PCDHGA10: variants seen among roughly 807,000 people sequenced by gnomAD.
PCDHGA10 encodes protocadherin gamma subfamily A, 10, also known as protocadherin gamma-A10.
In PCDHGA10, 42 loss-of-function variants were observed where a neutral mutation model predicts 59.5. That is an observed-to-expected ratio of 0.71 (90% confidence interval 0.55 to 0.91). The LOEUF (loss-of-function observed/expected upper bound fraction) is 0.91, where lower values mean the gene tolerates loss of function less well. Ranked by LOEUF, PCDHGA10 falls within the 40% of genes least tolerant of loss-of-function variation. The probability of loss-of-function intolerance (pLI) is 0.00; values close to 1 mark genes in which losing one functional copy is unlikely to be tolerated. For missense variants in PCDHGA10, 1,111 were observed against 1,198.2 expected, an observed-to-expected ratio of 0.93 and a Z score of 1.07; for synonymous variants, 511 against 517.2, an observed-to-expected ratio of 0.99 and a Z score of 0.16.
chr5:141,421,265 T>G (rs2154549151), intron 1 of PCDHGA10: 1 of 1,596,914 alleles, frequency 6.3e-7, no homozygotes, highest in Non-Finnish European at 8.5e-7. Flanking sequence ...CGCAGTCGGC[T>G]GCTGCTGCTG....
intron 1 of PCDHGA10, among the ~76,000 whole-genome samples, chr5:141,436,848 AT>A (rs1247905529): frequency 6.6e-6 from 1 of 152,244 alleles, no homozygotes; most frequent in African/African-American, 2.4e-5. Flanking sequence ...CACATTCTTG[AT>A]TGAGAAGCCA....
chr5:141,460,455 A>AT (rs2098989699), intron 1 of PCDHGA10, among the ~76,000 whole-genome samples: 1 of 152,080 alleles, frequency 6.6e-6, no homozygotes, highest in Non-Finnish European at 1.5e-5. Flanking sequence ...GAAGATTCAT[A>AT]TTTTTTTCCA....
chr5:141,511,462 C>T lies in PCDHGA10; in HGVS notation c.*289C>T, dbSNP rs1385398410. On this transcript the variant is annotated 3_prime_UTR_variant, in exon 4 of 4. Transcript: ENST00000398610. Reference sequence around the variant, plus strand: ...AGACACCAAGAACCATTTGCCACACCCCGTTTAGTTACAGCTGAACTCCTC... The same window carrying T: ...AGACACCAAGAACCATTTGCCACACTCCGTTTAGTTACAGCTGAACTCCTC... 5.4e-6 allele frequency: 3 copies of T among 556,350 alleles called. No individual in the cohort carries two copies. In the South Asian group the frequency reaches 6.3e-5, roughly 12 times the overall value. 34.5% of individuals were successfully genotyped at this position (556,350 alleles called of 1,614,324 possible).
At chr5:141,422,900 A>G (rs2096684887) in intron 1 of PCDHGA10, 2 of 1,614,220 alleles carry the variant, frequency 1.2e-6, no homozygotes, top group South Asian at 2.2e-5. Flanking sequence ...GACCAGAACG[A>G]CAATGCGCCC....
At chr5:141,417,667 C>A (rs545100460) in intron 1 of PCDHGA10, 5 of 918,744 alleles carry the variant, frequency 5.4e-6, no homozygotes, top group South Asian at 3.8e-5. Flanking sequence ...GGATTCCCTG[C>A]GCAGCCAACA....
chr5:141,460,126 T>TC (rs2098982804), intron 1 of PCDHGA10, among the ~76,000 whole-genome samples: 1 of 151,986 alleles, frequency 6.6e-6, no homozygotes, highest in South Asian at 2.1e-4. Context: ...ATATATGTAA[T>TC]ATATATATTC....
chr5:141,443,064 G>A (rs76234738), intron 1 of PCDHGA10, among the ~76,000 whole-genome samples: 48 of 152,264 alleles, frequency 3.2e-4, no homozygotes, highest in African/African-American at 1.1e-3. Context: ...ACTGAAGAGC[G>A]TCTTATGACT....
intron 2 of PCDHGA10, among the ~76,000 whole-genome samples, chr5:141,501,956 A>G (rs527567012): frequency 6.6e-6 from 1 of 152,136 alleles, no homozygotes; most frequent in Non-Finnish European, 1.5e-5. Context: ...GTGACAGGTC[A>G]TCCTCCTAAC....
chr5:141,478,418 C>A, intron 1 of PCDHGA10: 1 of 1,613,650 alleles, frequency 6.2e-7, no homozygotes, highest in Non-Finnish European at 8.5e-7. Context: ...GGACTCCCGC[C>A]GCAGCGACCC....
chr5:141,476,346 T>G lies in PCDHGA10; in HGVS notation c.2437-18461T>G, dbSNP rs1239836597. On this transcript the variant is annotated intron_variant, in intron 1 of 3. Coordinates refer to ENST00000398610, the MANE Select transcript of PCDHGA10 (RefSeq NM_018913.3). The surrounding 1 kb of genome is among the most constrained non-coding windows in gnomAD (Gnocchi z 7.6). The stretch of plus-strand genomic sequence containing the variant: ...GTGTCTGGAGCTAGCCGAAGATTCT[T>G]TGAGGTGAACCGGGAGACCGGAGAG... 2.5e-6 allele frequency: 4 copies of G among 1,613,932 alleles called. No individual in the cohort carries two copies. Among genetic ancestry groups the G allele is most frequent in the Non-Finnish European group, 3.4e-6 (4 of 1,180,022 alleles).
At chr5:141,453,351 C>T (rs1210851703) in intron 1 of PCDHGA10, among the ~76,000 whole-genome samples, 3 of 151,738 alleles carry the variant, frequency 2.0e-5, no homozygotes, top group African/African-American at 7.3e-5. Context: ...CCAGGCTGAC[C>T]CTGAACTCCT....
intron 1 of PCDHGA10, among the ~76,000 whole-genome samples, chr5:141,439,495 C>A (rs142329128): frequency 6.6e-6 from 1 of 152,206 alleles, no homozygotes; most frequent in Non-Finnish European, 1.5e-5. Context: ...CAGTGAGAAA[C>A]GTCTTTCTCT....
rs1453419469 is a variant in PCDHGA10, at chr5:141,505,501, G to A, written c.2584+20G>A. On this transcript the variant is annotated intron_variant, in intron 3 of 3. Transcript: ENST00000398610. ...CCAGTGGTAAGTGGTGTCAGTGTGT[G>A]TATGGAAGAGTGGGAGACCTGGGGT... The A allele has an allele frequency of 1.2e-6, 2 of 1,614,156 alleles. No homozygotes were observed. Among genetic ancestry groups the A allele is most frequent in the Non-Finnish European group, 1.7e-6 (2 of 1,179,970 alleles).
At position 141,511,148 on chromosome 5, in the gene PCDHGA10, A is replaced by C; in HGVS notation, c.2786A>C (p.Lys929Thr). Residue 929 changes from lysine to threonine, a missense_variant, in exon 4 of 4, where the codon AAG (lysine) becomes ACG (threonine). Coordinates refer to ENST00000398610, the MANE Select transcript of PCDHGA10 (RefSeq NM_018913.3). ...APAGGNGNKKKSGKKEKK is the reference protein window; with the variant it reads ...APAGGNGNKKTSGKKEKK ...GCAGGTGGCAATGGCAACAAGAAGA[A>C]GTCGGGCAAGAAGGAGAAGAAGTAA... is the stretch of plus-strand genomic sequence containing the variant. The C allele has an allele frequency of 6.2e-7, 1 of 1,614,202 alleles. No individual in the cohort carries two copies. Among genetic ancestry groups the C allele is most frequent in the East Asian group, 2.2e-5 (1 of 44,882 alleles).
At chr5:141,426,963 C>G (rs1008659501) in intron 1 of PCDHGA10, 1 of 456,646 alleles carries the variant, frequency 2.2e-6, no homozygotes, top group African/African-American at 2.0e-5. Flanking sequence ...TGCTGCAATT[C>G]AAATTGAGGT....
At position 141,491,346 on chromosome 5, in the gene PCDHGA10, T is replaced by A. The variant is rs760843553; in HGVS notation, c.2437-3461T>A. ...TCATTGTGGCTCTAGCGACCGTCAG[T>A]CTCTTATCCCTAGTCACCTTCACCT... On this transcript the variant is annotated intron_variant, in intron 1 of 3. Coordinates refer to ENST00000398610, the MANE Select transcript of PCDHGA10 (RefSeq NM_018913.3). This position sits in a 1 kb window ranked among gnomAD's most constrained non-coding sequence, Gnocchi z 6.9. The A allele has an allele frequency of 6.2e-7, 1 of 1,614,088 alleles. No individual in the cohort carries two copies. The highest frequency in any genetic ancestry group is 1.1e-5 in the South Asian group (1 of 91,080).
intron 1 of PCDHGA10, chr5:141,417,819 C>T: frequency 3.3e-6 from 5 of 1,513,202 alleles, no homozygotes; most frequent in Non-Finnish European, 3.5e-6. Flanking sequence ...GCACTTTCTC[C>T]AACTGGAAAA....
At chr5:141,454,313 G>A (rs986902404) in intron 1 of PCDHGA10, among the ~76,000 whole-genome samples, 1 of 152,296 alleles carries the variant, frequency 6.6e-6, no homozygotes, top group Non-Finnish European at 1.5e-5. Context: ...TCAAAGCATT[G>A]AAACCTCCAA....
chr5:141,426,829 A>G, intron 1 of PCDHGA10: 2 of 456,716 alleles, frequency 4.4e-6, no homozygotes, highest in South Asian at 3.1e-5. Context: ...CTGATGATGG[A>G]CAAGACTAAA....
Sources: gnomAD v4.1 joint callset for allele counts (sites outside exome capture counted in the v4.1 genomes callset) on GRCh38, gnomAD v4.1.1 for gene constraint, Gnocchi (gnomAD v3.1) non-coding constraint, MANE v1.5 for transcripts, NCBI Gene and HGNC (gene_info 2026-07-23, HGNC 2026-07-21) for gene names.